Variants in KCNH2 observed in about 807,000 individuals in gnomAD.
The protein encoded by KCNH2 is voltage-gated inwardly rectifying potassium channel KCNH2.
A neutral mutation model predicts 95.9 loss-of-function variants in KCNH2; 35 were observed. The ratio of observed to expected loss-of-function variants is 0.37; its 90% CI spans 0.28 to 0.48. The LOEUF (loss-of-function observed/expected upper bound fraction) is 0.48, where lower values mean the gene tolerates loss of function less well. KCNH2 is among the 20% of genes least tolerant of loss of function. The pLI is 0.99. For synonymous variants in KCNH2, 786 were observed against 754.7 expected, an observed-to-expected ratio of 1.04 and a Z score of -0.68; for missense variants, 1,274 against 1,702.9, an observed-to-expected ratio of 0.75 and a Z score of 4.43.
chr7:150,960,358 C>A (rs1801523244), intron 2 of KCNH2, among the ~76,000 whole-genome samples: 1 of 152,180 alleles, frequency 6.6e-6, no homozygotes, highest in Non-Finnish European at 1.5e-5. Flanking sequence ...TTGTGATACA[C>A]ATAATGTATA....
At chr7:150,969,077 C>T (rs902474132) in intron 2 of KCNH2, among the ~76,000 whole-genome samples, 2 of 152,192 alleles carry the variant, frequency 1.3e-5, no homozygotes, top group Admixed American at 1.3e-4. Context: ...TCCTGAGGCC[C>T]TGAGCCCATC....
chr7:150,955,417 G>A, intron 5 of KCNH2: 1 of 1,563,862 alleles, frequency 6.4e-7, no homozygotes, highest in Non-Finnish European at 8.7e-7. Context: ...CGAGGCTGGA[G>A]ATGCGCACGG....
chr7:150,967,530 C>T (rs1393084990), intron 2 of KCNH2, among the ~76,000 whole-genome samples: 1 of 152,198 alleles, frequency 6.6e-6, no homozygotes, highest in South Asian at 2.1e-4. Context: ...GGCTGCCCCA[C>T]AATTCAGCGG....
At chr7:150,974,456 A>G (rs1284948391) in intron 2 of KCNH2, among the ~76,000 whole-genome samples, 1 of 152,180 alleles carries the variant, frequency 6.6e-6, no homozygotes, top group African/African-American at 2.4e-5. Flanking sequence ...GAGGAGCCAG[A>G]CCCACAGCCT....
chr7:150,948,642 G>A, intron 10 of KCNH2, 99 bp from the exon 11 acceptor site: 1 of 1,244,306 alleles, frequency 8.0e-7, no homozygotes, highest in Admixed American at 1.8e-5. Flanking sequence ...GTAGGGCTGG[G>A]CGCCCCAGCT....
intron 5 of KCNH2, among the ~76,000 whole-genome samples, chr7:150,953,711 TCTC>T (rs905983695): frequency 1.4e-4 from 21 of 152,074 alleles, no homozygotes; most frequent in African/African-American, 5.1e-4. Flanking sequence ...CCGGCCAGCT[TCTC>T]CACACTGTCC....
chr7:150,977,924 T>A lies in KCNH2; in HGVS notation c.-11A>T. 1.3e-6 allele frequency: 2 copies of A among 1,576,560 alleles called. No individual in the cohort carries two copies. The highest frequency in any genetic ancestry group is 1.7e-6 in the Non-Finnish European group (2 of 1,162,012). ...CCTCCGCACCGGCATCCTGAGCCCA[T>A]GGGCGGGCCGGGCGGGCCCCCACCC... On this transcript the variant is annotated 5_prime_UTR_variant, in exon 1 of 15. An upstream start codon of the reference 5' UTR is lost. Transcript: ENST00000262186.
intron 9 of KCNH2, chr7:150,949,821 C>T: frequency 8.0e-7 from 1 of 1,247,500 alleles, no homozygotes; most frequent in Non-Finnish European, 1.0e-6. Context: ...CCACATGGCC[C>T]TTAGTGAAAC....
rs1563146733 is a variant in KCNH2, at chr7:150,947,590, CCGT to C, written c.2965+13_2965+15del. The C allele has an allele frequency of 1.9e-6, 3 of 1,611,436 alleles. No homozygotes were observed. The Admixed American group carries it at 5.0e-5, about 27-fold the overall frequency. On this transcript the variant is annotated intron_variant, in intron 12 of 14. Transcript: ENST00000262186. The stretch of plus-strand genomic sequence containing the variant: ...CCACGCCCGGTCCTCCCTCGCCCGC[CCGT>C]CGCCCGGGATACCTGACAGGGGGTT...
intron 9 of KCNH2, 97 bp from the exon 10 acceptor site, chr7:150,949,146 T>C: frequency 1.6e-6 from 2 of 1,237,398 alleles, no homozygotes; most frequent in South Asian, 1.3e-5. Flanking sequence ...GCAGAGCATG[T>C]CCCCTCAGCT....
chr7:150,966,943 G>A (rs1801722221), intron 2 of KCNH2, among the ~76,000 whole-genome samples: 1 of 152,140 alleles, frequency 6.6e-6, no homozygotes, highest in South Asian at 2.1e-4. Flanking sequence ...TCTAGTGGGT[G>A]TTTTCTTTCC....
At chr7:150,949,214 ACCCT>A (rs1801041477) in intron 9 of KCNH2, among the ~76,000 whole-genome samples, 165 bp from the exon 10 acceptor site, 1 of 150,620 alleles carries the variant, frequency 6.6e-6, no homozygotes, top group Non-Finnish European at 1.5e-5. Flanking sequence ...CTGCCAGCCC[ACCCT>A]CCCTCAGCTC....
intron 2 of KCNH2, among the ~76,000 whole-genome samples, chr7:150,967,007 C>T (rs375774264): frequency 3.7e-4 from 57 of 152,254 alleles, no homozygotes; most frequent in Admixed American, 2.0e-3. Context: ...AGGCCAGGCG[C>T]GGTGGCTCAT....
intron 2 of KCNH2, among the ~76,000 whole-genome samples, chr7:150,966,528 T>G (rs1439833122): frequency 2.0e-5 from 3 of 151,612 alleles, no homozygotes; most frequent in African/African-American, 7.3e-5. Flanking sequence ...CAGCGAAAAC[T>G]GGCATTATTT....
chr7:150,958,044 C>A lies in KCNH2; in HGVS notation c.916+15G>T. On this transcript the variant is annotated intron_variant, in intron 4 of 14. Transcript: ENST00000262186. ...AGCGTGGGCTGGGGCGGAACGGGTC[C>A]CGCGGCGCCCTCACCGGTGCTGGCG... is the stretch of plus-strand genomic sequence containing the variant. 1 of 1,263,380 alleles carries A rather than the reference C, an allele frequency of 7.9e-7. No homozygotes were observed. Among genetic ancestry groups the A allele is most frequent in the Non-Finnish European group, 9.9e-7 (1 of 1,007,894 alleles). The allele number at this position is 1,263,380 out of a possible 1,614,324, so 78.3% of individuals were successfully genotyped here. A position where few individuals can be genotyped will look rare whatever the true frequency, so the allele number is the denominator to read the frequency against.
Position 150,950,171 on chromosome 7 carries a change from G to A in KCNH2, c.2395C>T (p.Leu799=). The change falls in exon 9 of 15, where the codon CTG becomes TTG. Residue 799 remains leucine (L), a synonymous_variant. Coordinates refer to ENST00000262186, the MANE Select transcript of KCNH2 (RefSeq NM_000238.4). ...ILRGDVVVAI[L]GKNDIFGEPL... ...GTGCCCGCCCCCCACCCCATACCCA[G>A]GATGGCCACGACGACGTCGCCCCGC... 2 of 1,607,388 alleles carry A rather than the reference G, an allele frequency of 1.2e-6. No individual in the cohort carries two copies. Among genetic ancestry groups the A allele is most frequent in the Non-Finnish European group, 1.7e-6 (2 of 1,177,674 alleles).
At chr7:150,975,068 C>T in intron 1 of KCNH2, 127 bp from the exon 2 acceptor site, 2 of 683,696 alleles carry the variant, frequency 2.9e-6, no homozygotes, top group Non-Finnish European at 4.2e-6. Flanking sequence ...ATGGCTGGGA[C>T]TGGGGTCCCA....
At position 150,978,276 on chromosome 7, in the gene KCNH2, CGCGGCTCGGGCAGCGCCT is replaced by C. The variant is rs961436141; in HGVS notation, c.-381_-364del. The C allele has an allele frequency of 2.0e-5, 3 of 146,424 alleles. No homozygotes were observed. The highest frequency in any genetic ancestry group is 3.0e-5 in the Non-Finnish European group (2 of 65,780). The allele number at this position is 146,424 out of a possible 1,614,324, so 9.1% of individuals were successfully genotyped here. A position where few individuals can be genotyped will look rare whatever the true frequency, so the allele number is the denominator to read the frequency against. On this transcript the variant is annotated 5_prime_UTR_variant, in exon 1 of 15. Transcript: ENST00000262186. ...CCGCGCCGACAGCCGCTCCAGCGCC[CGCGGCTCGGGCAGCGCCT>C]GCGGCTCGGCCCGGCCGCGGAAGGG... is the stretch of plus-strand genomic sequence containing the variant.
chr7:150,971,010 G>A (rs1563185569), intron 2 of KCNH2, among the ~76,000 whole-genome samples: 2 of 152,256 alleles, frequency 1.3e-5, no homozygotes, highest in Non-Finnish European at 2.9e-5. Flanking sequence ...CAGAAAGTGG[G>A]TGTCTGAGCT....
Sources: gnomAD v4.1 joint callset for allele counts (sites outside exome capture counted in the v4.1 genomes callset) on GRCh38, gnomAD v4.1.1 for gene constraint, MANE v1.5 for transcripts, NCBI Gene and HGNC (gene_info 2026-07-23, HGNC 2026-07-21) for gene names.